DIP2C: variants seen among roughly 807,000 people sequenced by gnomAD.
The protein encoded by DIP2C is disco-interacting protein 2 homolog C.
Under a neutral mutation model 192.4 loss-of-function variants are expected in DIP2C, and 33 were observed. The ratio of observed to expected loss-of-function variants is 0.17; its 90% CI spans 0.13 to 0.23. The LOEUF is 0.23. Among genes scored for constraint, DIP2C ranks in the 10% least tolerant of loss-of-function variants. The pLI, the probability that DIP2C is intolerant of heterozygous loss-of-function variation, is 1.00. For missense variants in DIP2C, 1,537 were observed against 2,110.1 expected (o/e 0.73, Z 5.32); for synonymous variants, 979 against 864.1 (o/e 1.13, Z -2.33).
chr10:617,980 G>C (rs1314515020), intron 1 of DIP2C, among the ~76,000 whole-genome samples: 1 of 152,210 alleles, frequency 6.6e-6, no homozygotes, highest in Admixed American at 6.5e-5. Flanking sequence ...TGAGCTCCAA[G>C]AGCTTGAGGT....
intron 32 of DIP2C, among the ~76,000 whole-genome samples, chr10:293,237 CA>C (rs920189824): frequency 7.2e-5 from 11 of 152,234 alleles, no homozygotes; most frequent in African/African-American, 2.7e-4. Flanking sequence ...CCTTCAATCT[CA>C]AAAACCAGCG....
chr10:306,689 T>C (rs1009363165), intron 32 of DIP2C, among the ~76,000 whole-genome samples: 1 of 152,252 alleles, frequency 6.6e-6, no homozygotes. Flanking sequence ...GGCCTTGGAC[T>C]GTCGACTTTC....
intron 1 of DIP2C, among the ~76,000 whole-genome samples, chr10:644,157 A>G (rs1484733753): frequency 6.6e-6 from 1 of 152,258 alleles, no homozygotes; most frequent in Non-Finnish European, 1.5e-5. Flanking sequence ...CAGCTTGCCA[A>G]GGCTGTCCTG....
intron 1 of DIP2C, among the ~76,000 whole-genome samples, chr10:555,893 C>T (rs1488934053): frequency 6.6e-6 from 1 of 152,146 alleles, no homozygotes; most frequent in Non-Finnish European, 1.5e-5. Flanking sequence ...CAGCGAACAC[C>T]CTTCCTGCAT....
At chr10:642,463 C>A (rs1359263335) in intron 1 of DIP2C, among the ~76,000 whole-genome samples, 2 of 152,270 alleles carry the variant, frequency 1.3e-5, no homozygotes, top group African/African-American at 2.4e-5. Flanking sequence ...AGCAAGTGTC[C>A]AGGCACCAGG....
intron 3 of DIP2C, among the ~76,000 whole-genome samples, chr10:445,423 G>T (rs552706354): frequency 1.3e-5 from 2 of 150,550 alleles, no homozygotes; most frequent in South Asian, 4.2e-4. Context: ...AGTATATCTT[G>T]CACTGGACAT....
At chr10:594,598 G>C (rs1851595925) in intron 1 of DIP2C, among the ~76,000 whole-genome samples, 1 of 152,172 alleles carries the variant, frequency 6.6e-6, no homozygotes, top group Non-Finnish European at 1.5e-5. Flanking sequence ...GAACGTGGCT[G>C]AGTATAAACC....
rs1314119763 is a variant in DIP2C, at chr10:392,045, C to T, written c.1261-1182G>A. On this transcript the variant is annotated intron_variant, in intron 10 of 36. Coordinates refer to ENST00000280886, the MANE Select transcript of DIP2C (RefSeq NM_014974.3). ...GGGCAGCTCCCCAAGATCTGGCCGC[C>T]GGGAGCTCTGCGGACAGATGGAACC... 3.9e-5 allele frequency among the ~76,000 whole-genome samples: 6 copies of T among 152,184 alleles called. 1 individual carries two copies. Among genetic ancestry groups the T allele is most frequent in the South Asian group, 2.1e-4 (1 of 4,832 alleles).
rs559485369 is a variant in DIP2C, at chr10:328,553, A to G, written c.3753+880T>C. Among the ~76,000 whole-genome samples the G allele has an allele frequency of 3.3e-5, 5 of 152,164 alleles. No individual in the cohort carries two copies. The South Asian group carries it at 1.0e-3, about 32-fold the overall frequency. ...GGTCATGAAAATGTACTCACTTTCT[A>G]ATACAATATAGATGAACATGAATAG... On this transcript the variant is annotated intron_variant, in intron 30 of 36. Coordinates refer to ENST00000280886, the MANE Select transcript of DIP2C (RefSeq NM_014974.3).
At chr10:562,268 A>T (rs562123882) in intron 1 of DIP2C, among the ~76,000 whole-genome samples, 21 of 152,350 alleles carry the variant, frequency 1.4e-4, no homozygotes, top group African/African-American at 5.1e-4. Context: ...TCATCAGGAC[A>T]AACTTTAAGC....
rs537452067 is a variant in DIP2C at position 420,379 on chromosome 10, A to G, written c.605-1180T>C. Among the ~76,000 whole-genome samples, 298 of 152,344 alleles carry G rather than the reference A, an allele frequency of 2.0e-3. 1 individual carries two copies. The highest frequency in any genetic ancestry group is 0.01 in the Middle Eastern group (3 of 294). On this transcript the variant is annotated intron_variant, in intron 5 of 36. Coordinates refer to ENST00000280886, the MANE Select transcript of DIP2C (RefSeq NM_014974.3). ...TCCGGTGTCACAAGTAGATTCGGCA[A>G]TGCCGTTCACTGGGAACCCGTGACT...
intron 1 of DIP2C, among the ~76,000 whole-genome samples, chr10:688,476 T>C (rs377395492): frequency 2.8e-4 from 42 of 152,294 alleles, no homozygotes; most frequent in African/African-American, 8.2e-4. Flanking sequence ...GTTTACTTTC[T>C]GGCTGCCGGC....
In DIP2C at chr10:417,710, A is replaced by C. The variant is rs1268399701; in HGVS notation, c.739+1355T>G. 1.8e-3 allele frequency among the ~76,000 whole-genome samples: 144 copies of C among 79,012 alleles called. 4 individuals carry two copies. The highest frequency in any genetic ancestry group is 9.4e-3 in the Middle Eastern group (1 of 106). The allele number at this position is 79,012 out of a possible 152,430, so 51.8% of individuals were successfully genotyped here. On this transcript the variant is annotated intron_variant, in intron 6 of 36. Transcript: ENST00000280886. ...CCTGTCCGCCTGTGCCTGTCGGCTC[A>C]AATAGGCCTCCCTGTCTGCCTGCGC... is the stretch of plus-strand genomic sequence containing the variant.
chr10:474,792 C>T (rs1055688273), intron 2 of DIP2C, among the ~76,000 whole-genome samples: 17 of 152,212 alleles, frequency 1.1e-4, no homozygotes, highest in African/African-American at 3.4e-4. Flanking sequence ...CCTTTCATTT[C>T]CATTATTGGT....
intron 1 of DIP2C, among the ~76,000 whole-genome samples, chr10:619,100 T>G (rs188045132): frequency 7.5e-4 from 114 of 152,300 alleles, no homozygotes; most frequent in African/African-American, 2.7e-3. Flanking sequence ...TTCAGTTATG[T>G]GAGGAAAGGC....
At chr10:588,854 C>A (rs1293093573) in intron 1 of DIP2C, among the ~76,000 whole-genome samples, 1 of 152,232 alleles carries the variant, frequency 6.6e-6, no homozygotes, top group African/African-American at 2.4e-5. Context: ...GCTTCTGTTT[C>A]TCTGGGGTAA....
intron 1 of DIP2C, among the ~76,000 whole-genome samples, chr10:532,544 T>TGAGAGAGTATGGGTGA (rs1564824364): frequency 8.8e-6 from 1 of 113,320 alleles, no homozygotes; most frequent in Admixed American, 8.4e-5. Context: ...AGTATGGGTG[T>TGAGAGAGTATGGGTGA]GAGAGAGTAT....
chr10:374,654 C>G (rs1192802355), intron 17 of DIP2C, among the ~76,000 whole-genome samples: 1 of 152,216 alleles, frequency 6.6e-6, no homozygotes, highest in Non-Finnish European at 1.5e-5. Context: ...AAATGCTTCC[C>G]AATTTGTTCA....
In DIP2C at chr10:320,602, C is replaced by T. The variant is rs142108742; in HGVS notation, c.3924+6404G>A. Among the ~76,000 whole-genome samples the T allele has an allele frequency of 5.9e-5, 9 of 151,962 alleles. No homozygotes were observed. The East Asian group carries it at 1.2e-3, about 20-fold the overall frequency. On this transcript the variant is annotated intron_variant, in intron 31 of 36. Coordinates refer to ENST00000280886, the MANE Select transcript of DIP2C (RefSeq NM_014974.3). ...ATGATGTGAGATGGCACTGGACACT[C>T]AGGGAGGGAGATTCTTTCATAAAGC...
Sources: gnomAD v4.1 joint callset for allele counts (sites outside exome capture counted in the v4.1 genomes callset) on GRCh38, gnomAD v4.1.1 for gene constraint, MANE v1.5 for transcripts, NCBI Gene and HGNC (gene_info 2026-07-23, HGNC 2026-07-21) for gene names.